INPP1: variants seen among roughly 807,000 people sequenced by gnomAD.
The protein encoded by INPP1 is inositol polyphosphate 1-phosphatase.
In INPP1, 18 loss-of-function variants were observed where a neutral mutation model predicts 23.0. That is an observed-to-expected ratio of 0.78 (90% CI 0.54 to 1.16). The LOEUF is 1.16. Among genes scored for constraint, INPP1 ranks in the 50% most tolerant of loss-of-function variants. The pLI, the probability that INPP1 is intolerant of heterozygous loss-of-function variation, is 0.00. For synonymous variants in INPP1, 164 were observed against 176.3 expected (o/e 0.93, Z 0.55); for missense variants, 448 against 482.1 (o/e 0.93, Z 0.66).
chr2:190,345,767 G>T lies in INPP1; in HGVS notation c.-209+1806G>T, dbSNP rs1043715506. On this transcript the variant is annotated intron_variant, in intron 1 of 6. Transcript: ENST00000392329. The surrounding 1 kb of genome is among the most constrained non-coding windows in gnomAD (Gnocchi z 4.9). ...CCTGCACTTTGGGAGGCCAAGGCAGGTGGATCACTTGAGGTTAGGAGTTCG... is the reference window on the plus strand; with the variant it reads ...CCTGCACTTTGGGAGGCCAAGGCAGTTGGATCACTTGAGGTTAGGAGTTCG... Among the ~76,000 whole-genome samples the T allele has an allele frequency of 6.6e-6, 1 of 152,252 alleles. No homozygotes were observed. Among genetic ancestry groups the T allele is most frequent in the Non-Finnish European group, 1.5e-5 (1 of 68,044 alleles).
Position 190,369,275 on chromosome 2 carries a change from C to G in INPP1, c.639C>G (p.Leu213=). The change falls in exon 6 of 7, where the codon CTC becomes CTG. Residue 213 remains leucine (L), a splice_region_variant and synonymous_variant. Coordinates refer to ENST00000392329, the MANE Select transcript of INPP1 (RefSeq NM_001128928.2). ...TTGTGTCACGAGATCCAAACACCCT[C>G]AGGTAAAAGGCAAATATTTTTGGTA... ...QPFVSRDPNT[L]RWKGQCYWGL... is the part of the protein sequence containing the mutation. 1.3e-6 allele frequency: 2 copies of G among 1,566,990 alleles called. No individual in the cohort carries two copies. The highest frequency in any genetic ancestry group is 2.3e-5 in the East Asian group (1 of 43,844).
intron 3 of INPP1, among the ~76,000 whole-genome samples, chr2:190,361,537 G>A (rs1689533801): frequency 6.6e-6 from 1 of 152,166 alleles, no homozygotes. Context: ...GGGTGCAAGG[G>A]ATGGTTGAGC....
chr2:190,362,112 G>A (rs1012951679), intron 3 of INPP1, among the ~76,000 whole-genome samples: 14 of 151,922 alleles, frequency 9.2e-5, no homozygotes, highest in Non-Finnish European at 1.9e-4. Flanking sequence ...CCCCTTCCTA[G>A]CCTGAATGAT....
Position 190,360,126 on chromosome 2 carries a change from G to A in INPP1, c.24G>A (p.Leu8=), listed in dbSNP as rs778734650. 1 of 1,613,524 alleles carries A rather than the reference G, an allele frequency of 6.2e-7. No individual in the cohort carries two copies. The highest frequency in any genetic ancestry group is 8.5e-7 in the Non-Finnish European group (1 of 1,180,020). MSDILRE[L]LCVSEKAANI... ...AAATGTCAGATATCCTCCGGGAGCT[G>A]CTCTGTGTCTCTGAGAAGGCTGCTA... The change falls in exon 3 of 7, where the codon CTG becomes CTA. Residue 8 remains leucine, a synonymous_variant. Transcript: ENST00000392329.
intron 6 of INPP1, among the ~76,000 whole-genome samples, chr2:190,370,430 C>A (rs906497897): frequency 2.0e-5 from 3 of 152,186 alleles, no homozygotes; most frequent in African/African-American, 7.2e-5. Context: ...AAGGAGTTAC[C>A]AAATAAAGAA....
At chr2:190,347,369 T>A (rs993583563) in intron 1 of INPP1, among the ~76,000 whole-genome samples, 9 of 152,036 alleles carry the variant, frequency 5.9e-5, no homozygotes, top group South Asian at 4.2e-4. Context: ...GAAAAAAAAA[T>A]TTATTTGGCC....
Position 190,366,729 on chromosome 2 carries a change from G to A in INPP1, c.300G>A (p.Glu100=), listed in dbSNP as rs768673209. The change falls in exon 5 of 7, where the codon GAG becomes GAA. Residue 100 remains glutamate (E), a synonymous_variant. Transcript: ENST00000392329. ...TTACCTTGAGGTTGTGTTCAACAGA[G>A]GAGGAAACAGCAGAGCTTCTTAGCA... is the stretch of plus-strand genomic sequence containing the variant. ...EKITLRLCST[E]EETAELLSKV... 2.5e-5 allele frequency: 41 copies of A among 1,613,220 alleles called. No homozygotes were observed. The highest frequency in any genetic ancestry group is 3.2e-5 in the Non-Finnish European group (38 of 1,179,298).
rs1575790010 is a variant in INPP1 at position 190,363,525 on chromosome 2, T to C, written c.265+838T>C. On this transcript the variant is annotated intron_variant, in intron 4 of 6. Transcript: ENST00000392329. The surrounding 1 kb of genome is among the most constrained non-coding windows in gnomAD (Gnocchi z 4.4). ...TTTTTTTTAGTTTGTTTGGATTTAA[T>C]AGTAGAAGAATAAAATAGTGAACAT... Among the ~76,000 whole-genome samples the C allele has an allele frequency of 6.6e-6, 1 of 152,166 alleles. No individual in the cohort carries two copies. The highest frequency in any genetic ancestry group is 1.5e-5 in the Non-Finnish European group (1 of 68,034).
Position 190,369,270 on chromosome 2 carries a change from AC to A in INPP1, c.637del (p.Leu213SerfsTer51), listed in dbSNP as rs1211321943. 1 of 1,570,834 alleles carries A rather than the reference AC, an allele frequency of 6.4e-7. No homozygotes were observed. Among genetic ancestry groups the A allele is most frequent in the Admixed American group, 1.7e-5 (1 of 57,186 alleles). On this transcript the variant is annotated frameshift_variant, in exon 6 of 7. Coordinates refer to ENST00000392329, the MANE Select transcript of INPP1 (RefSeq NM_001128928.2). LOFTEE classifies it low-confidence loss of function (END_TRUNC). ...NQPFVSRDPN[T>X]LRWKGQCYWG... is the part of the protein sequence containing the mutation. ...ACCTTTTGTGTCACGAGATCCAAAC[AC>A]CCTCAGGTAAAAGGCAAATATTTTT...
At chr2:190,347,882 A>G (rs910137140) in intron 1 of INPP1, among the ~76,000 whole-genome samples, 5 of 152,264 alleles carry the variant, frequency 3.3e-5, no homozygotes, top group Non-Finnish European at 2.9e-5. Flanking sequence ...TCACGCCTGT[A>G]ATCCCAGCAC....
chr2:190,350,865 G>A (rs897268722), intron 2 of INPP1, among the ~76,000 whole-genome samples: 8 of 152,112 alleles, frequency 5.3e-5, no homozygotes, highest in South Asian at 2.1e-4. Flanking sequence ...TAGATGAAAG[G>A]GGATAATTTT....
At chr2:190,353,234 C>T (rs769015042) in intron 2 of INPP1, among the ~76,000 whole-genome samples, 5 of 152,118 alleles carry the variant, frequency 3.3e-5, no homozygotes, top group Non-Finnish European at 2.9e-5. Flanking sequence ...AAAATATCTC[C>T]CTTGACAGAA....
At chr2:190,347,437 T>C (rs1575782141) in intron 1 of INPP1, among the ~76,000 whole-genome samples, 1 of 152,174 alleles carries the variant, frequency 6.6e-6, no homozygotes, top group Non-Finnish European at 1.5e-5. Flanking sequence ...TAAATACCTA[T>C]AAAATAATTT....
intron 6 of INPP1, 90 bp from the exon 7 acceptor site, chr2:190,370,754 G>A: frequency 1.2e-6 from 1 of 847,462 alleles, no homozygotes; most frequent in South Asian, 1.6e-5. Context: ...GATGAATTGT[G>A]TATTTCTTCG....
At position 190,352,636 on chromosome 2, in the gene INPP1, C is replaced by T. The variant is rs1241811812; in HGVS notation, c.-65+3605C>T. ...CCCCTGTCCCTTCTGCACAAACAACCTCCAATCTTTAAAACTACTCCCCAA... is the reference window on the plus strand; with the variant it reads ...CCCCTGTCCCTTCTGCACAAACAACTTCCAATCTTTAAAACTACTCCCCAA... On this transcript the variant is annotated intron_variant, in intron 2 of 6. Transcript: ENST00000392329. This position sits in a 1 kb window ranked among gnomAD's most constrained non-coding sequence, Gnocchi z 4.7. Among the ~76,000 whole-genome samples the T allele has an allele frequency of 6.6e-6, 1 of 152,138 alleles. No homozygotes were observed. The highest frequency in any genetic ancestry group is 1.5e-5 in the Non-Finnish European group (1 of 68,028).
At chr2:190,369,631 C>T (rs1196705320) in intron 6 of INPP1, among the ~76,000 whole-genome samples, 1 of 152,172 alleles carries the variant, frequency 6.6e-6, no homozygotes, top group Non-Finnish European at 1.5e-5. Flanking sequence ...AAGACAGCTG[C>T]CATCGCTGTA....
chr2:190,371,319 A>C lies in INPP1; in HGVS notation c.1117A>C (p.Ile373Leu). The C allele has an allele frequency of 6.3e-7, 1 of 1,595,268 alleles. No homozygotes were observed. Among genetic ancestry groups the C allele is most frequent in the Non-Finnish European group, 8.6e-7 (1 of 1,169,476 alleles). The change falls in exon 7 of 7, where the codon ATT becomes CTT. Residue 373 changes from isoleucine to leucine, a missense_variant. By Grantham distance (5) the Ile-to-Leu change is conservative. Transcript: ENST00000392329. The surrounding 1 kb of genome is among the most constrained non-coding windows in gnomAD (Gnocchi z 5.3). ...TCGGTGGGCCAACAAGGGAGGACTC[A>C]TTGCATACAGATCCAGGAAGCGGCT... ...VDRWANKGGL[I>L]AYRSRKRLET...
chr2:190,349,939 G>A (rs1282118341), intron 2 of INPP1, among the ~76,000 whole-genome samples: 3 of 152,224 alleles, frequency 2.0e-5, no homozygotes, highest in Non-Finnish European at 4.4e-5. Context: ...CTGCCTCCCA[G>A]GCTCAAGTGA....
intron 4 of INPP1, among the ~76,000 whole-genome samples, chr2:190,365,783 C>A (rs1413880165): frequency 2.0e-5 from 3 of 152,202 alleles, no homozygotes; most frequent in African/African-American, 7.2e-5. Flanking sequence ...CTGGCTCACT[C>A]TCTCTCTGTC....
Sources: gnomAD v4.1 joint callset for allele counts (sites outside exome capture counted in the v4.1 genomes callset) on GRCh38, gnomAD v4.1.1 for gene constraint, Gnocchi (gnomAD v3.1) non-coding constraint, MANE v1.5 for transcripts, NCBI Gene and HGNC (gene_info 2026-07-23, HGNC 2026-07-21) for gene names.